GOLGA2: variants seen among roughly 807,000 people sequenced by gnomAD.
GOLGA2 encodes the protein golgin A2.
Under a neutral mutation model 148.8 loss-of-function variants are expected in GOLGA2, and 49 were observed. The observed-to-expected ratio is 0.33, with a 90% confidence interval of 0.26 to 0.42. GOLGA2 has a LOEUF of 0.42. Ranked by LOEUF, GOLGA2 falls within the 10% of genes least tolerant of loss-of-function variation. The pLI is 1.00. For synonymous variants in GOLGA2, 501 were observed against 511.8 expected (o/e 0.98, Z 0.28); for missense variants, 1,178 against 1,304.6 (o/e 0.90, Z 1.49).
chr9:128,267,271 G>A lies in GOLGA2; in HGVS notation c.565C>T (p.Arg189Trp), dbSNP rs761199962. ...AGGGCTACCGCTAGCTGTTGGTACCGGCTCTGAGGCGCATGCAGAGAGGAG... is the reference window on the plus strand; with the variant it reads ...AGGGCTACCGCTAGCTGTTGGTACCAGCTCTGAGGCGCATGCAGAGAGGAG... ...SSANLKDLES[R>W]YQQLAVALDS... Residue 189 changes from arginine (R) to tryptophan (W), a missense_variant, in exon 8 of 27, where the codon CGG (arginine) becomes TGG (tryptophan). Transcript: ENST00000611957. 30 of 1,604,214 alleles carry A rather than the reference G, an allele frequency of 1.9e-5. No homozygotes were observed. The highest frequency in any genetic ancestry group is 5.4e-5 in the African/African-American group (4 of 74,732).
chr9:128,275,948 C>A lies in GOLGA2; in HGVS notation c.29G>T (p.Arg10Leu). The A allele has an allele frequency of 1.3e-6, 2 of 1,567,698 alleles. No homozygotes were observed. Among genetic ancestry groups the A allele is most frequent in the Non-Finnish European group, 1.7e-6 (2 of 1,149,796 alleles). The change falls in exon 1 of 27, where the codon CGC (arginine) becomes CTC (leucine). Residue 10 changes from arginine (R) to leucine (L), a missense_variant. Transcript: ENST00000611957. ...TCGGGTTTCTTCCGACATCGCGGGG[C>A]GGGGAGGGAGGCGGGGTTGGGGCCA... MWPQPRLPPRPAMSEETRQS... is the reference protein window; with the variant it reads MWPQPRLPPLPAMSEETRQS...
At chr9:128,262,788 A>C (rs1276984118) in intron 13 of GOLGA2, 84 bp from the exon 14 acceptor site, 1 of 1,303,048 alleles carries the variant, frequency 7.7e-7, no homozygotes, top group African/African-American at 1.5e-5. Flanking sequence ...CTTGCCCCAC[A>C]ACCACAGAAC....
In GOLGA2 at chr9:128,258,294, G is replaced by A. The variant is rs1830031493; in HGVS notation, c.2290-96C>T. 1 of 1,137,394 alleles carries A rather than the reference G, an allele frequency of 8.8e-7. No homozygotes were observed. The highest frequency in any genetic ancestry group is 1.4e-5 in the South Asian group (1 of 70,834). The allele number at this position is 1,137,394 out of a possible 1,614,324, so 70.5% of individuals were successfully genotyped here. On this transcript the variant is annotated intron_variant, in intron 22 of 26. Coordinates refer to ENST00000611957, the MANE Select transcript of GOLGA2 (RefSeq NM_001366244.2). The surrounding 1 kb of genome is among the most constrained non-coding windows in gnomAD (Gnocchi z 6.6). The stretch of plus-strand genomic sequence containing the variant: ...CCCTTCCCTTGGGGCCTCAGAGGGT[G>A]CACTTGTTGGTCCCAAGTGAAATGG...
At chr9:128,265,081 T>C (rs1830510948) in intron 12 of GOLGA2, among the ~76,000 whole-genome samples, 1 of 152,172 alleles carries the variant, frequency 6.6e-6, no homozygotes, top group African/African-American at 2.4e-5. Flanking sequence ...TTTGAAAGGA[T>C]GATATATTCA....
intron 12 of GOLGA2, among the ~76,000 whole-genome samples, chr9:128,263,743 G>A (rs1830419045): frequency 1.3e-5 from 2 of 151,796 alleles, no homozygotes; most frequent in Middle Eastern, 6.8e-3. Context: ...TAATAGAGAG[G>A]GGGTTTCAAC....
In GOLGA2 at chr9:128,267,199, T is replaced by C. The variant is rs749549947; in HGVS notation, c.637A>G (p.Lys213Glu). 3 of 1,577,482 alleles carry C rather than the reference T, an allele frequency of 1.9e-6. No individual in the cohort carries two copies. Among genetic ancestry groups the C allele is most frequent in the African/African-American group, 2.7e-5 (2 of 74,126 alleles). The change falls in exon 8 of 27, where the codon AAA becomes GAA. Residue 213 changes from lysine (K) to glutamate (E), a missense_variant. Around this residue, in one of 5 missense-constraint regions of GOLGA2, gnomAD observed 304 missense variants for 404.1 expected, o/e 0.75. Coordinates refer to ENST00000611957, the MANE Select transcript of GOLGA2 (RefSeq NM_001366244.2). ...GGACCCCACTGGACTCTTACCAATTTCTCTATCGTGATATTGAGTTGTTTG... is the reference window on the plus strand; with the variant it reads ...GGACCCCACTGGACTCTTACCAATTCCTCTATCGTGATATTGAGTTGTTTG... ...TNKQLNITIE[K>E]LKQQNQEITD...
rs1830973801 is a variant in GOLGA2 at position 128,271,960 on chromosome 9, C to T, written c.288+825G>A. Among the ~76,000 whole-genome samples, 1 of 151,730 alleles carries T rather than the reference C, an allele frequency of 6.6e-6. No individual in the cohort carries two copies. The highest frequency in any genetic ancestry group is 1.5e-5 in the Non-Finnish European group (1 of 67,990). On this transcript the variant is annotated intron_variant, in intron 3 of 26. Transcript: ENST00000611957. The surrounding 1 kb of genome is among the most constrained non-coding windows in gnomAD (Gnocchi z 4.4). ...ACAGTTAGTTCCTCTGAAAAAATAGCTTCAATCCTTCCAACTATAATGTGA... is the reference window on the plus strand; with the variant it reads ...ACAGTTAGTTCCTCTGAAAAAATAGTTTCAATCCTTCCAACTATAATGTGA...
At chr9:128,270,805 G>T (rs1830893602) in intron 3 of GOLGA2, among the ~76,000 whole-genome samples, 1 of 152,148 alleles carries the variant, frequency 6.6e-6, no homozygotes, top group East Asian at 1.9e-4. Flanking sequence ...CAGCACTTTG[G>T]GAGGCCAAGG....
Position 128,259,238 on chromosome 9 carries a change from G to C in GOLGA2, c.2026C>G (p.Gln676Glu), listed in dbSNP as rs147458263. Residue 676 changes from glutamine to glutamate, a missense_variant, in exon 20 of 27, where the codon CAG becomes GAG. Coordinates refer to ENST00000611957, the MANE Select transcript of GOLGA2 (RefSeq NM_001366244.2). ...CCCTGAGCTTCCTGCTGCTGCAGCT[G>C]GTCCACGAGCTGGGTCTGCAGCAGT... ...QLLLQTQLVD[Q>E]LQQQEAQGKA... 1.3e-5 allele frequency: 20 copies of C among 1,597,638 alleles called. No homozygotes were observed. The highest frequency in any genetic ancestry group is 1.7e-5 in the Non-Finnish European group (20 of 1,172,410).
In GOLGA2 at chr9:128,275,873, C is replaced by T. The variant is rs141616106; in HGVS notation, c.84+20G>A. 6.4e-4 allele frequency: 911 copies of T among 1,425,962 alleles called. 18 individuals carry two copies. The East Asian group carries it at 0.022, about 35-fold the overall frequency. The allele number at this position is 1,425,962 out of a possible 1,614,324, so 88.3% of individuals were successfully genotyped here. A position where few individuals can be genotyped will look rare whatever the true frequency, so the allele number is the denominator to read the frequency against. On this transcript the variant is annotated intron_variant, in intron 1 of 26. Transcript: ENST00000611957. ...TGGGGCTGGGGCTGGGTCGGGGGGC[C>T]GCGACCCGGTGCACTTTACCTTTTT...
In GOLGA2 at chr9:128,268,157, G is replaced by A. The variant is rs761875997; in HGVS notation, c.397C>T (p.His133Tyr). The A allele has an allele frequency of 2.4e-5, 39 of 1,612,856 alleles. No individual in the cohort carries two copies. The highest frequency in any genetic ancestry group is 3.1e-5 in the Non-Finnish European group (36 of 1,178,862). ...SLTSMAASQN[H>Y]DADNVPNLMD... ...AGATTAGGGACATTGTCAGCATCAT[G>A]ATTCTGTTTGGGAAGAAACGTGTGA... Residue 133 changes from histidine (H) to tyrosine (Y), a missense_variant, in exon 5 of 27, where the codon CAT becomes TAT. Physicochemically the swap from His to Tyr is moderately conservative, Grantham distance 83. Around this residue, in one of 5 missense-constraint regions of GOLGA2, gnomAD observed 304 missense variants for 404.1 expected, o/e 0.75. Transcript: ENST00000611957.
At chr9:128,265,169 A>G (rs1204586534) in intron 12 of GOLGA2, among the ~76,000 whole-genome samples, 2 of 152,186 alleles carry the variant, frequency 1.3e-5, no homozygotes, top group Non-Finnish European at 1.5e-5. Flanking sequence ...TTTGTTATGA[A>G]TCCATGCAGA....
In GOLGA2 at chr9:128,260,542, T is replaced by C. The variant is rs1830195959; in HGVS notation, c.1681A>G (p.Thr561Ala). ...TTCTGGGAGAGTGCGCGGCTGATGGTAGTGCGGTCGTTCTGCATGGTCTCC... is the reference window on the plus strand; with the variant it reads ...TTCTGGGAGAGTGCGCGGCTGATGGCAGTGCGGTCGTTCTGCATGGTCTCC... ...ILETMQNDRT[T>A]ISRALSQNRE... The change falls in exon 18 of 27, where the codon ACC becomes GCC. Residue 561 changes from threonine (T) to alanine (A), a missense_variant. This residue lies in a region of GOLGA2 where 529 missense variants were observed against 521.8 expected (regional missense o/e 1.01). Coordinates refer to ENST00000611957, the MANE Select transcript of GOLGA2 (RefSeq NM_001366244.2). This position sits in a 1 kb window ranked among gnomAD's most constrained non-coding sequence, Gnocchi z 4.8. 2.5e-6 allele frequency: 4 copies of C among 1,613,106 alleles called. No homozygotes were observed. Among genetic ancestry groups the C allele is most frequent in the South Asian group, 1.1e-5 (1 of 91,092 alleles).
In GOLGA2 at chr9:128,256,976, TA is replaced by T. The variant is rs1160708536; in HGVS notation, c.*90del. 2 of 972,414 alleles carry T rather than the reference TA, an allele frequency of 2.1e-6. No individual in the cohort carries two copies. Among genetic ancestry groups the T allele is most frequent in the Non-Finnish European group, 3.2e-6 (2 of 623,742 alleles). 60.2% of individuals were successfully genotyped at this position (972,414 alleles called of 1,614,324 possible). Reference sequence around the variant, plus strand: ...GGGTCTATGCTTGCTACTGTAAGGGTAAAGGGTTGACTGAGAAGGGATGGTA... The same window carrying T: ...GGGTCTATGCTTGCTACTGTAAGGGTAAGGGTTGACTGAGAAGGGATGGTA... On this transcript the variant is annotated 3_prime_UTR_variant, in exon 27 of 27. Transcript: ENST00000611957.
At position 128,260,334 on chromosome 9, in the gene GOLGA2, G is replaced by A; in HGVS notation, c.1758+131C>T. 9.3e-7 allele frequency: 1 copy of A among 1,073,016 alleles called. No homozygotes were observed. The highest frequency in any genetic ancestry group is 1.5e-5 in the African/African-American group (1 of 64,848). The allele number at this position is 1,073,016 out of a possible 1,614,324, so 66.5% of individuals were successfully genotyped here. A position where few individuals can be genotyped will look rare whatever the true frequency, so the allele number is the denominator to read the frequency against. The stretch of plus-strand genomic sequence containing the variant: ...CCTCTCCCCCACAGCCATCGGAGCA[G>A]GGCTCTGGCTCACAGATGCCTCCAG... On this transcript the variant is annotated intron_variant, in intron 18 of 26. Transcript: ENST00000611957. This position sits in a 1 kb window ranked among gnomAD's most constrained non-coding sequence, Gnocchi z 4.8.
At chr9:128,270,725 AAC>A (rs1190049097) in intron 3 of GOLGA2, among the ~76,000 whole-genome samples, 4 of 152,118 alleles carry the variant, frequency 2.6e-5, no homozygotes, top group Non-Finnish European at 4.4e-5. Context: ...CTACATTGGA[AAC>A]AGTTACGGAT....
chr9:128,260,975 A>G lies in GOLGA2; in HGVS notation c.1421-173T>C. ...CGATAGCGACAACTGTGGGTGGCTG[A>G]CAACGGGCACTCCTTCGTCTTTGCT... On this transcript the variant is annotated intron_variant, in intron 17 of 26. Transcript: ENST00000611957. This position sits in a 1 kb window ranked among gnomAD's most constrained non-coding sequence, Gnocchi z 4.8. 2 of 658,976 alleles carry G rather than the reference A, an allele frequency of 3.0e-6. No homozygotes were observed. Among genetic ancestry groups the G allele is most frequent in the Non-Finnish European group, 5.3e-6 (2 of 375,372 alleles). The allele number at this position is 658,976 out of a possible 1,614,324, so 40.8% of individuals were successfully genotyped here.
At chr9:128,267,702 C>T (rs1437661956) in intron 6 of GOLGA2, among the ~76,000 whole-genome samples, 185 bp from the exon 7 acceptor site, 2 of 152,218 alleles carry the variant, frequency 1.3e-5, no homozygotes, top group African/African-American at 4.8e-5. Context: ...TCCCGAGCAG[C>T]TCTCATCCAG....
chr9:128,275,315 C>T (rs1164918480), intron 1 of GOLGA2: 2 of 938,946 alleles, frequency 2.1e-6, no homozygotes, highest in Non-Finnish European at 1.5e-6. Context: ...ACTGGTCTCG[C>T]GCAACTAATT....
Sources: allele counts gnomAD v4.1 joint callset (sites outside exome capture counted in the v4.1 genomes callset), GRCh38; gene constraint gnomAD v4.1.1; regional missense constraint gnomAD v4.1.1; non-coding constraint Gnocchi (gnomAD v3.1); transcripts MANE v1.5; gene names NCBI Gene and HGNC (gene_info 2026-07-23, HGNC 2026-07-21).